Variants in OPCML observed in about 807,000 individuals in gnomAD.
OPCML encodes the protein opioid-binding protein/cell adhesion molecule.
Under a neutral mutation model 37.8 loss-of-function variants are expected in OPCML, and 13 were observed. The observed-to-expected ratio is 0.34, with a 90% CI of 0.22 to 0.55. The LOEUF is 0.55. Ranked by LOEUF, OPCML falls within the 20% of genes least tolerant of loss-of-function variation. The probability of loss-of-function intolerance (pLI) is 0.91; values close to 1 mark genes in which losing one functional copy is unlikely to be tolerated. For missense variants in OPCML, 341 were observed against 435.6 expected (o/e 0.78, Z 1.93); for synonymous variants, 176 against 168.8 (o/e 1.04, Z -0.33).
At chr11:132,456,506 T>G (rs2096083259) in intron 4 of OPCML, among the ~76,000 whole-genome samples, 1 of 152,204 alleles carries the variant, frequency 6.6e-6, no homozygotes, top group African/African-American at 2.4e-5. Context: ...CATTTCCAAG[T>G]GCACTGTTGT....
At chr11:132,776,219 C>G (rs570243568) in intron 2 of OPCML, among the ~76,000 whole-genome samples, 2 of 152,202 alleles carry the variant, frequency 1.3e-5, no homozygotes, top group Admixed American at 6.5e-5. Flanking sequence ...GTTGAGTCAC[C>G]GCGCCCAGCT....
intron 4 of OPCML, among the ~76,000 whole-genome samples, chr11:132,441,225 T>G (rs1207798050): frequency 7.9e-6 from 1 of 126,968 alleles, no homozygotes; most frequent in South Asian, 2.7e-4. Flanking sequence ...TGGAGTGCAG[T>G]GGCGGGATCT....
chr11:132,819,749 C>G (rs1267930102), intron 2 of OPCML, among the ~76,000 whole-genome samples: 1 of 152,150 alleles, frequency 6.6e-6, no homozygotes, highest in Non-Finnish European at 1.5e-5. Context: ...TCTCAATTAT[C>G]TATATTTCCC....
chr11:133,042,862 G>A (rs1947932798), intron 1 of OPCML, among the ~76,000 whole-genome samples: 1 of 152,146 alleles, frequency 6.6e-6, no homozygotes, highest in African/African-American at 2.4e-5. Flanking sequence ...AGACACCCGA[G>A]ACGCCTCCTC....
chr11:132,603,431 C>T (rs1938062023), intron 3 of OPCML, among the ~76,000 whole-genome samples: 2 of 152,216 alleles, frequency 1.3e-5, no homozygotes, highest in African/African-American at 2.4e-5. Context: ...GCAATTTCAT[C>T]TCCAAAAGAG....
intron 3 of OPCML, among the ~76,000 whole-genome samples, chr11:132,621,816 T>C (rs1010319612): frequency 6.6e-6 from 1 of 152,204 alleles, no homozygotes; most frequent in Non-Finnish European, 1.5e-5. Context: ...TGAGGTTTTA[T>C]GGAGTAAGTT....
intron 3 of OPCML, among the ~76,000 whole-genome samples, chr11:132,589,293 T>C (rs900078734): frequency 6.6e-6 from 1 of 152,196 alleles, no homozygotes; most frequent in Non-Finnish European, 1.5e-5. Flanking sequence ...ACTTTGGTAT[T>C]TGCCTACAGT....
chr11:133,510,127 G>T (rs986162195), intron 1 of OPCML, among the ~76,000 whole-genome samples: 2 of 152,188 alleles, frequency 1.3e-5, no homozygotes, highest in Non-Finnish European at 2.9e-5. Context: ...GGTAGGGAGT[G>T]CACTTCCTGA....
intron 1 of OPCML, among the ~76,000 whole-genome samples, chr11:133,324,825 TG>T (rs1943411512): frequency 6.6e-6 from 1 of 152,122 alleles, no homozygotes; most frequent in Non-Finnish European, 1.5e-5. Context: ...TATATTCATA[TG>T]TGTGTGTGTA....
intron 1 of OPCML, among the ~76,000 whole-genome samples, chr11:133,154,153 G>A (rs1354565338): frequency 6.6e-6 from 1 of 151,824 alleles, no homozygotes; most frequent in African/African-American, 2.4e-5. Flanking sequence ...GTGCGGAGCA[G>A]GATGGAGCCA....
chr11:132,987,368 C>T (rs756905919), intron 1 of OPCML, among the ~76,000 whole-genome samples: 19 of 152,020 alleles, frequency 1.2e-4, no homozygotes, highest in Non-Finnish European at 2.6e-4. Flanking sequence ...ACGTGAAGAC[C>T]AAGGGGCCTC....
In OPCML at chr11:132,730,099, C is replaced by T. The variant is rs930067073; in HGVS notation, c.147-72780G>A. Among the ~76,000 whole-genome samples the T allele has an allele frequency of 2.0e-5, 3 of 148,796 alleles. No individual in the cohort carries two copies. The Admixed American group carries it at 2.0e-4, about 10-fold the overall frequency. On this transcript the variant is annotated intron_variant, in intron 2 of 7. Transcript: ENST00000524381. ...CACGATCTCAGCTCACTGAACCCTCCACCTCCTGGGTTCAAGGAATTATCT... is the reference window on the plus strand; with the variant it reads ...CACGATCTCAGCTCACTGAACCCTCTACCTCCTGGGTTCAAGGAATTATCT...
chr11:133,103,479 G>C (rs990016162), intron 1 of OPCML, among the ~76,000 whole-genome samples: 2 of 152,172 alleles, frequency 1.3e-5, no homozygotes, highest in African/African-American at 4.8e-5. Flanking sequence ...AGTGAGGCTG[G>C]GGATCAAACA....
Position 133,489,714 on chromosome 11 carries a change from T to C in OPCML, c.61+42550A>G, listed in dbSNP as rs1591557236. ...TACCCAAAGGGAAATAAATCATTAT[T>C]TCAAAAAGATACCCACACTCATATG... On this transcript the variant is annotated intron_variant, in intron 1 of 7. Transcript: ENST00000524381. 2.0e-5 allele frequency among the ~76,000 whole-genome samples: 3 copies of C among 152,136 alleles called. No homozygotes were observed. In the South Asian group the frequency reaches 6.2e-4, roughly 32 times the overall value.
intron 1 of OPCML, among the ~76,000 whole-genome samples, chr11:133,305,391 G>A (rs943497088): frequency 5.3e-5 from 8 of 152,146 alleles, no homozygotes; most frequent in Non-Finnish European, 1.2e-4. Flanking sequence ...CAAGCCCTGT[G>A]GGAGGTTAAA....
chr11:132,773,782 G>A (rs1946722194), intron 2 of OPCML, among the ~76,000 whole-genome samples: 1 of 152,004 alleles, frequency 6.6e-6, no homozygotes, highest in Non-Finnish European at 1.5e-5. Context: ...GCCTCCTCTG[G>A]CTGTATAATT....
chr11:133,081,965 G>T (rs1408928996), intron 1 of OPCML, among the ~76,000 whole-genome samples: 1 of 152,120 alleles, frequency 6.6e-6, no homozygotes, highest in Admixed American at 6.5e-5. Flanking sequence ...CCCCTGGGAG[G>T]CGTCCCTCAG....
At chr11:132,744,822 A>C in intron 2 of OPCML, among the ~76,000 whole-genome samples, 1 of 152,262 alleles carries the variant, frequency 6.6e-6, no homozygotes, top group East Asian at 1.9e-4. Flanking sequence ...TCAGAGAGCC[A>C]AGGTTATAAA....
chr11:132,949,105 A>G (rs541539347), intron 1 of OPCML, among the ~76,000 whole-genome samples: 15 of 152,354 alleles, frequency 9.8e-5, no homozygotes, highest in African/African-American at 3.6e-4. Flanking sequence ...TTTCCAGGTC[A>G]GTATTCAGGT....
Sources: allele counts gnomAD v4.1 joint callset (sites outside exome capture counted in the v4.1 genomes callset), GRCh38; gene constraint gnomAD v4.1.1; transcripts MANE v1.5; gene names NCBI Gene and HGNC (gene_info 2026-07-23, HGNC 2026-07-21).